Variants in SLC22A31 observed in about 807,000 individuals in gnomAD.
SLC22A31 encodes solute carrier family 22 member 31, also known as putative solute carrier family 22 member 31.
SLC22A31 carries 42 observed loss-of-function variants against 27.4 expected under a neutral mutation model. That is an observed-to-expected ratio of 1.53 (90% CI 1.20 to 1.98). The LOEUF (loss-of-function observed/expected upper bound fraction) is 1.98, where lower values mean the gene tolerates loss of function less well. Among genes scored for constraint, SLC22A31 ranks in the 30% most tolerant of loss-of-function variants. SLC22A31 has a pLI of 0.00. For synonymous variants in SLC22A31, 290 were observed against 230.8 expected, an observed-to-expected ratio of 1.26 and a Z score of -2.33; for missense variants, 593 against 479.9, an observed-to-expected ratio of 1.24 and a Z score of -2.20.
At chr16:89,197,700 C>T (rs552653743) in intron 7 of SLC22A31, among the ~76,000 whole-genome samples, 36 of 152,302 alleles carry the variant, frequency 2.4e-4, no homozygotes, top group Middle Eastern at 3.4e-3. Context: ...TTTGCAATTT[C>T]GAGAACCGTC....
intron 8 of SLC22A31, 21 bp from the exon 9 acceptor site, chr16:89,196,326 G>A: frequency 1.0e-6 from 1 of 988,920 alleles, no homozygotes; most frequent in Non-Finnish European, 1.4e-6. Context: ...GAGTGTGTTG[G>A]GGGCAGCCAG....
Position 89,199,066 on chromosome 16 carries a change from C to T in SLC22A31, c.409G>A (p.Gly137Arg), listed in dbSNP as rs1567782348. Residue 137 changes from glycine to arginine, a missense_variant, in exon 4 of 9, where the codon GGG (glycine) becomes AGG (arginine). Coordinates refer to ENST00000682282, the MANE Select transcript of SLC22A31 (RefSeq NM_001384763.1). ...AGTCCACTCATCAGGGCACCCAGCC[C>T]CTGCAGAAGACGCCAGTCCTGCACA... ...ALVQDWRLLQ[G>R]LGALMSGLLL... 5 of 1,535,572 alleles carry T rather than the reference C, an allele frequency of 3.3e-6. No individual in the cohort carries two copies. The highest frequency in any genetic ancestry group is 3.5e-6 in the Non-Finnish European group (4 of 1,146,758).
chr16:89,199,074 A>G lies in SLC22A31; in HGVS notation c.401T>C (p.Leu134Pro). 1 of 1,535,650 alleles carries G rather than the reference A, an allele frequency of 6.5e-7. No homozygotes were observed. The highest frequency in any genetic ancestry group is 2.4e-5 in the East Asian group (1 of 40,900). ...CATCAGGGCACCCAGCCCCTGCAGA[A>G]GACGCCAGTCCTGCACAAGCGCAGC... Reference protein sequence around the residue: ...GLAALVQDWRLLQGLGALMSG... With the variant: ...GLAALVQDWRPLQGLGALMSG... The change falls in exon 4 of 9, where the codon CTT becomes CCT. Residue 134 changes from leucine to proline, a missense_variant. Physicochemically the swap from Leu to Pro is moderately conservative, Grantham distance 98. Transcript: ENST00000682282.
At chr16:89,196,486 TG>T in intron 8 of SLC22A31, 181 bp from the exon 9 acceptor site, 1 of 1,166,660 alleles carries the variant, frequency 8.6e-7, no homozygotes, top group Non-Finnish European at 1.2e-6. Context: ...GAGAGTGCGT[TG>T]GGGGCAGCTG....
upstream of SLC22A31, among the ~76,000 whole-genome samples, chr16:89,200,903 G>A (rs923710268): frequency 2.4e-4 from 36 of 152,232 alleles, no homozygotes; most frequent in African/African-American, 8.7e-4. Context: ...CAGAGACTCT[G>A]CCTTGGAAAG....
At chr16:89,196,635 G>A (rs1168677693) in intron 8 of SLC22A31, among the ~76,000 whole-genome samples, 1 of 152,240 alleles carries the variant, frequency 6.6e-6, no homozygotes, top group South Asian at 2.1e-4. Context: ...CTCTCCTGGA[G>A]CACTTTTTGC....
chr16:89,201,670 G>A (rs942269586), upstream of SLC22A31: 3 of 396,266 alleles, frequency 7.6e-6, no homozygotes, highest in East Asian at 3.6e-5. Flanking sequence ...TCCATCGGTC[G>A]CAGGCTGCGC....
chr16:89,197,824 C>A (rs1442542861), intron 7 of SLC22A31, among the ~76,000 whole-genome samples: 4 of 152,250 alleles, frequency 2.6e-5, no homozygotes, highest in African/African-American at 9.6e-5. Flanking sequence ...CCATGGCCGG[C>A]CTCGGCCACC....
chr16:89,199,615 G>A, intron 2 of SLC22A31, 48 bp from the exon 3 acceptor site: 1 of 412,278 alleles, frequency 2.4e-6, no homozygotes. Context: ...GATAACCCAG[G>A]GTCCAACCTT....
chr16:89,199,969 G>C (rs1461999980), intron 1 of SLC22A31, 153 bp from the exon 2 acceptor site: 2 of 398,004 alleles, frequency 5.0e-6, no homozygotes, highest in Non-Finnish European at 8.8e-6. Flanking sequence ...AGAGGGCAAG[G>C]GGCTTGGTCC....
At position 89,196,192 on chromosome 16, in the gene SLC22A31, G is replaced by A. The variant is rs1597316959; in HGVS notation, c.1148C>T (p.Ser383Phe). The A allele has an allele frequency of 1.3e-6, 2 of 1,535,178 alleles. No individual in the cohort carries two copies. Among genetic ancestry groups the A allele is most frequent in the Non-Finnish European group, 1.7e-6 (2 of 1,146,528 alleles). ...GFFLQQVVFA[S>F]LAVLALLCVL... Reference sequence around the variant, plus strand: ...ACACAGCAGGGCAAGGACAGCAAGGGAGGCGAAGACGACTTGTTGCAGGAA... The same window carrying A: ...ACACAGCAGGGCAAGGACAGCAAGGAAGGCGAAGACGACTTGTTGCAGGAA... Residue 383 changes from serine to phenylalanine, a missense_variant, in exon 9 of 9, where the codon TCC becomes TTC. Physicochemically the swap from Ser to Phe is radical, Grantham distance 155. Transcript: ENST00000682282.
chr16:89,200,686 T>A (rs563545737), upstream of SLC22A31, among the ~76,000 whole-genome samples: 220 of 152,226 alleles, frequency 1.4e-3, 3 homozygotes, highest in Non-Finnish European at 1.1e-3. Context: ...GGGTAAAGGC[T>A]GCCTCAGGGG....
chr16:89,199,119 G>A lies in SLC22A31; in HGVS notation c.356C>T (p.Thr119Ile). The change falls in exon 4 of 9, where the codon ACC becomes ATC. Residue 119 changes from threonine to isoleucine, a missense_variant. Thr to Ile is a moderately conservative substitution (Grantham distance 89). Transcript: ENST00000682282. ...CGCAGCCAGGCCGGGCAGCAGCAGGGTGCCCACCACCGAGAAAAGGCCAGC... is the reference window on the plus strand; with the variant it reads ...CGCAGCCAGGCCGGGCAGCAGCAGGATGCCCACCACCGAGAAAAGGCCAGC... ...MGAGLFSVVG[T>I]LLLPGLAALV... is the part of the protein sequence containing the mutation. 2.2e-5 allele frequency: 34 copies of A among 1,534,394 alleles called. No homozygotes were observed. The highest frequency in any genetic ancestry group is 3.0e-5 in the Non-Finnish European group (34 of 1,146,294).
At chr16:89,198,399 A>G (rs1265695306) in intron 6 of SLC22A31, 43 bp downstream of exon 6, 2 of 1,528,316 alleles carry the variant, frequency 1.3e-6, no homozygotes, top group Non-Finnish European at 1.8e-6. Flanking sequence ...CCATATGCCC[A>G]CCCCGGGGGA....
chr16:89,196,137 C>T lies in SLC22A31; in HGVS notation c.1203G>A (p.Arg401=), dbSNP rs1000523714. Residue 401 remains arginine, a synonymous_variant, in exon 9 of 9, where the codon CGG becomes CGA. Coordinates refer to ENST00000682282, the MANE Select transcript of SLC22A31 (RefSeq NM_001384763.1). Reference sequence around the variant, plus strand: ...CGTCCTGCAGTGACTGGGGCAGCCCCCGGCTTCGGCTCTCAGGCAGCAGCA... The same window carrying T: ...CGTCCTGCAGTGACTGGGGCAGCCCTCGGCTTCGGCTCTCAGGCAGCAGCA... ...CVLLLPESRS[R]GLPQSLQDAD... is the part of the protein sequence containing the mutation. The T allele has an allele frequency of 1.0e-5, 16 of 1,534,804 alleles. No homozygotes were observed. Among genetic ancestry groups the T allele is most frequent in the Admixed American group, 2.0e-5 (1 of 50,962 alleles).
intron 4 of SLC22A31, 63 bp from the exon 5 acceptor site, chr16:89,198,860 C>T (rs1442492009): frequency 6.7e-7 from 1 of 1,499,662 alleles, no homozygotes; most frequent in African/African-American, 1.4e-5. Flanking sequence ...GAGGCAAAGG[C>T]CAGGGCCCCC....
At chr16:89,199,279 G>A (rs1022542210) in intron 3 of SLC22A31, 88 bp from the exon 4 acceptor site, 2 of 1,314,732 alleles carry the variant, frequency 1.5e-6, no homozygotes, top group Non-Finnish European at 2.0e-6. Context: ...TTGGTGACCT[G>A]CCCAGGAGCG....
intron 7 of SLC22A31, among the ~76,000 whole-genome samples, chr16:89,197,680 G>A (rs1006865420): frequency 1.3e-5 from 2 of 152,204 alleles, no homozygotes; most frequent in Non-Finnish European, 2.9e-5. Flanking sequence ...CTGCTGTGCT[G>A]TCCACTGTCT....
In SLC22A31 at chr16:89,196,148, T is replaced by A. The variant is rs1915872761; in HGVS notation, c.1192A>T (p.Ser398Cys). Residue 398 changes from serine to cysteine, a missense_variant, in exon 9 of 9, where the codon AGC becomes TGC. Ser to Cys is a moderately radical substitution (Grantham distance 112). Coordinates refer to ENST00000682282, the MANE Select transcript of SLC22A31 (RefSeq NM_001384763.1). The stretch of plus-strand genomic sequence containing the variant: ...GACTGGGGCAGCCCCCGGCTTCGGC[T>A]CTCAGGCAGCAGCAGGACACACAGC... ...ALLCVLLLPE[S>C]RSRGLPQSLQ... The A allele has an allele frequency of 6.5e-7, 1 of 1,535,006 alleles. No individual in the cohort carries two copies. Among genetic ancestry groups the A allele is most frequent in the Non-Finnish European group, 8.7e-7 (1 of 1,146,500 alleles).
Sources: allele counts gnomAD v4.1 joint callset (sites outside exome capture counted in the v4.1 genomes callset), GRCh38; gene constraint gnomAD v4.1.1; transcripts MANE v1.5; gene names NCBI Gene and HGNC (gene_info 2026-07-23, HGNC 2026-07-21).